SLC17A1: variants seen among roughly 807,000 people sequenced by gnomAD.
SLC17A1 encodes the protein sodium-dependent phosphate transport protein 1.
A neutral mutation model predicts 53.5 loss-of-function variants in SLC17A1; 51 were observed. The observed-to-expected ratio is 0.95, with a 90% CI of 0.76 to 1.20. The LOEUF is 1.20. Among genes scored for constraint, SLC17A1 ranks in the 50% most tolerant of loss-of-function variants. The probability of loss-of-function intolerance (pLI) is 0.00; values close to 1 mark genes in which losing one functional copy is unlikely to be tolerated. For missense variants in SLC17A1, 538 were observed against 568.2 expected (o/e 0.95, Z 0.54); for synonymous variants, 179 against 198.8 (o/e 0.90, Z 0.84).
intron 6 of SLC17A1, 152 bp downstream of exon 6, chr6:25,818,916 A>C: frequency 1.8e-6 from 1 of 560,246 alleles, no homozygotes; most frequent in East Asian, 2.9e-5. Flanking sequence ...TTGTGATAGG[A>C]ACTTAATGAG....
At chr6:25,728,677 G>A in the SLC17A1 span, among the ~76,000 whole-genome samples, 2 of 152,224 alleles carry the variant, frequency 1.3e-5, no homozygotes, top group South Asian at 4.2e-4. Context: ...AGCTGGGCGT[G>A]GTGGCACGTT....
chr6:25,816,362 T>C (rs997884487), intron 6 of SLC17A1, among the ~76,000 whole-genome samples: 1 of 152,226 alleles, frequency 6.6e-6, no homozygotes, highest in East Asian at 1.9e-4. Context: ...CCCAGTTGAA[T>C]GGATGTTGGG....
intron 10 of SLC17A1, among the ~76,000 whole-genome samples, chr6:25,811,130 A>G (rs1296465978): frequency 6.6e-6 from 1 of 152,162 alleles, no homozygotes; most frequent in South Asian, 2.1e-4. Context: ...TTTTATTTAT[A>G]TATGAGGAAT....
chr6:25,728,007 C>T, the SLC17A1 span, among the ~76,000 whole-genome samples: 32,059 of 151,916 alleles, frequency 0.21, 4,358 homozygotes, highest in Non-Finnish European at 0.3. Context: ...GCGAGACTGT[C>T]TCAAAAAACA....
chr6:25,766,565 A>G, the SLC17A1 span, among the ~76,000 whole-genome samples: 1 of 152,196 alleles, frequency 6.6e-6, no homozygotes, highest in Non-Finnish European at 1.5e-5. Context: ...GACAAACACT[A>G]CCTCAAGCCA....
At chr6:25,765,957 G>A in the SLC17A1 span, among the ~76,000 whole-genome samples, 1 of 151,842 alleles carries the variant, frequency 6.6e-6, no homozygotes, top group Non-Finnish European at 1.5e-5. Context: ...CAGGCAGAGA[G>A]ATTAAATACA....
the SLC17A1 span, among the ~76,000 whole-genome samples, chr6:25,724,509 T>G: frequency 6.6e-6 from 1 of 152,246 alleles, no homozygotes; most frequent in Admixed American, 6.5e-5. Flanking sequence ...ATTCACAATT[T>G]TTTAATATAT....
intron 2 of SLC17A1, among the ~76,000 whole-genome samples, chr6:25,826,912 A>G (rs1764769743): frequency 6.6e-6 from 1 of 152,152 alleles, no homozygotes; most frequent in Non-Finnish European, 1.5e-5. Context: ...AAGACCCTTT[A>G]TAAATACCCT....
chr6:25,727,785 C>A, the SLC17A1 span, among the ~76,000 whole-genome samples: 1 of 151,832 alleles, frequency 6.6e-6, no homozygotes, highest in East Asian at 1.9e-4. Flanking sequence ...TTGCAGAGGT[C>A]GAGGCTGGCG....
chr6:25,815,549 C>T (rs1159669619), intron 6 of SLC17A1, among the ~76,000 whole-genome samples: 1 of 152,062 alleles, frequency 6.6e-6, no homozygotes, highest in Non-Finnish European at 1.5e-5. Context: ...CAACTTAGCC[C>T]TTCAGAAATG....
At chr6:25,770,996 C>T in the SLC17A1 span, 26 of 1,613,500 alleles carry the variant, frequency 1.6e-5, no homozygotes, top group East Asian at 4.5e-5. Flanking sequence ...GATGGCCTTA[C>T]GTCTTCTATA....
chr6:25,726,484 G>C, the SLC17A1 span: 12 of 1,613,152 alleles, frequency 7.4e-6, no homozygotes, highest in African/African-American at 2.7e-5. Context: ...GCGAGACTTA[G>C]ACTTGGCGCG....
At chr6:25,826,839 G>A (rs1295928281) in intron 2 of SLC17A1, among the ~76,000 whole-genome samples, 2 of 152,024 alleles carry the variant, frequency 1.3e-5, no homozygotes, top group Non-Finnish European at 2.9e-5. Flanking sequence ...TGTATTTCCA[G>A]CTAGAAGTTC....
chr6:25,772,771 C>T, the SLC17A1 span, among the ~76,000 whole-genome samples: 16 of 152,244 alleles, frequency 1.1e-4, no homozygotes, highest in South Asian at 1.0e-3. Flanking sequence ...CTGACTGGTA[C>T]GTGAATGGTG....
chr6:25,727,156 C>A, the SLC17A1 span: 148 of 1,614,062 alleles, frequency 9.2e-5, no homozygotes, highest in Non-Finnish European at 1.2e-4. Flanking sequence ...TCACGTTTGG[C>A]TCACTACAGC....
intron 10 of SLC17A1, among the ~76,000 whole-genome samples, chr6:25,802,476 T>C (rs1312646294): frequency 6.6e-6 from 1 of 152,228 alleles, no homozygotes; most frequent in Non-Finnish European, 1.5e-5. Context: ...TATGAAATTA[T>C]TATTCTGTGA....
At chr6:25,762,982 A>G in the SLC17A1 span, among the ~76,000 whole-genome samples, 2 of 152,226 alleles carry the variant, frequency 1.3e-5, no homozygotes, top group African/African-American at 2.4e-5. Flanking sequence ...GCAGTATGGC[A>G]TACTGGGTAA....
At chr6:25,784,548 C>T (rs1763338568) in intron 12 of SLC17A1, among the ~76,000 whole-genome samples, 1 of 152,172 alleles carries the variant, frequency 6.6e-6, no homozygotes, top group South Asian at 2.1e-4. Context: ...TGAGAACTCA[C>T]TCATTATCCA....
chr6:25,777,954 C>T (rs2328894), downstream of SLC17A1: 20,235 of 1,612,930 alleles, frequency 0.013, 175 homozygotes, highest in Non-Finnish European at 0.014. Flanking sequence ...AGGACTATTG[C>T]AAGTCTTTGC....
Sources: gnomAD v4.1 joint callset for allele counts (sites outside exome capture counted in the v4.1 genomes callset) on GRCh38, gnomAD v4.1.1 for gene constraint, MANE v1.5 for transcripts, NCBI Gene and HGNC (gene_info 2026-07-23, HGNC 2026-07-21) for gene names.